The following RAD51B variants were observed in gnomAD, a reference collection of about 807,000 sequenced individuals.
RAD51B encodes RAD51 paralog B, also known as DNA repair protein RAD51 homolog 2.
Under a neutral mutation model 42.2 loss-of-function variants are expected in RAD51B, and 38 were observed. The ratio of observed to expected loss-of-function variants is 0.90; its 90% CI spans 0.70 to 1.18. RAD51B has a LOEUF of 1.18. RAD51B is among the 50% of genes most tolerant of loss of function. The pLI is 0.00. For missense variants in RAD51B, 373 were observed against 400.7 expected (o/e 0.93, Z 0.59); for synonymous variants, 154 against 145.2 (o/e 1.06, Z -0.43).
At chr14:68,628,640 T>C (rs1892152660) in intron 10 of RAD51B, among the ~76,000 whole-genome samples, 1 of 152,104 alleles carries the variant, frequency 6.6e-6, no homozygotes, top group African/African-American at 2.4e-5. Context: ...GACGCTCCGG[T>C]TGCGCCAAGT....
At chr14:67,830,183 A>C (rs7157699) in intron 3 of RAD51B, among the ~76,000 whole-genome samples, 5,628 of 152,274 alleles carry the variant, frequency 0.037, 309 homozygotes, top group African/African-American at 0.12. Context: ...TTTGGACTTT[A>C]TTCCAAGAGC....
At chr14:67,985,211 C>T (rs2075162856) in intron 7 of RAD51B, among the ~76,000 whole-genome samples, 1 of 152,186 alleles carries the variant, frequency 6.6e-6, no homozygotes, top group Admixed American at 6.5e-5. Flanking sequence ...ATATCTCCTC[C>T]TTGTCTTCTA....
intron 7 of RAD51B, among the ~76,000 whole-genome samples, chr14:67,895,137 T>C (rs1444444241): frequency 6.6e-6 from 1 of 152,204 alleles, no homozygotes; most frequent in Non-Finnish European, 1.5e-5. Flanking sequence ...GTGGTTAAAT[T>C]CATAAAGCAC....
chr14:68,405,627 A>G (rs2084249733), intron 8 of RAD51B, among the ~76,000 whole-genome samples: 1 of 152,140 alleles, frequency 6.6e-6, no homozygotes, highest in Admixed American at 6.5e-5. Flanking sequence ...TTCTGTGGTC[A>G]TCTGTACTCA....
chr14:68,401,210 T>A (rs750611168), intron 8 of RAD51B, among the ~76,000 whole-genome samples: 3 of 152,218 alleles, frequency 2.0e-5, no homozygotes, highest in African/African-American at 7.2e-5. Context: ...GGATAACATA[T>A]GTCTTGGTTT....
At position 68,653,751 on chromosome 14, in the gene RAD51B, G is replaced by A. The variant is rs143017965; in HGVS notation, c.*11+2895G>A. ...CAAAGAAGCCCTACCATGGAGACAC[G>A]AACACAGGCCCATGCACAGAGGGCA... On this transcript the variant is annotated intron_variant, in intron 11 of 11. Transcript: ENST00000488612. Among the ~76,000 whole-genome samples, 253 of 152,362 alleles carry A rather than the reference G, an allele frequency of 1.7e-3. 1 individual carries two copies. Among genetic ancestry groups the A allele is most frequent in the African/African-American group, 5.6e-3 (234 of 41,586 alleles).
chr14:68,368,387 T>C (rs1485759207), intron 8 of RAD51B, among the ~76,000 whole-genome samples: 1 of 152,230 alleles, frequency 6.6e-6, no homozygotes, highest in Non-Finnish European at 1.5e-5. Flanking sequence ...AATGTTCACC[T>C]GCCAGAGTAA....
chr14:68,189,000 C>G (rs968246830), intron 7 of RAD51B, among the ~76,000 whole-genome samples: 3 of 152,088 alleles, frequency 2.0e-5, no homozygotes, highest in African/African-American at 7.2e-5. Context: ...AACTCCTCCT[C>G]CTTGTTCTCT....
intron 7 of RAD51B, among the ~76,000 whole-genome samples, chr14:68,153,486 C>T (rs896103079): frequency 7.9e-5 from 12 of 152,090 alleles, no homozygotes; most frequent in African/African-American, 2.9e-4. Context: ...TTCTCCTCAA[C>T]CTCTCTAGCA....
At chr14:68,338,917 A>C (rs759122816) in intron 8 of RAD51B, 25 of 656,018 alleles carry the variant, frequency 3.8e-5, no homozygotes, top group Non-Finnish European at 6.3e-5. Context: ...ACCTTTGTGA[A>C]GACAACAGTG....
At chr14:68,677,178 T>C (rs1336751589) in intron 11 of RAD51B, among the ~76,000 whole-genome samples, 3 of 152,110 alleles carry the variant, frequency 2.0e-5, no homozygotes, top group African/African-American at 7.2e-5. Flanking sequence ...TGGGTACCTA[T>C]GCCATTTAAA....
intron 7 of RAD51B, among the ~76,000 whole-genome samples, chr14:67,911,280 C>T (rs756890667): frequency 6.6e-6 from 1 of 152,170 alleles, no homozygotes; most frequent in Non-Finnish European, 1.5e-5. Context: ...GCAGCATTAG[C>T]ATTACCTATG....
At chr14:68,599,875 C>T (rs1009866652), downstream of RAD51B, among the ~76,000 whole-genome samples, 1 of 152,214 alleles carries the variant, frequency 6.6e-6, no homozygotes, top group Non-Finnish European at 1.5e-5. Context: ...CCCAGGGGCT[C>T]CCGAAAGATT....
chr14:68,537,370 G>A (rs919560670), intron 10 of RAD51B, among the ~76,000 whole-genome samples: 4 of 151,862 alleles, frequency 2.6e-5, no homozygotes, highest in Non-Finnish European at 4.4e-5. Flanking sequence ...GTGGTGGCGG[G>A]CGCCTGTAGT....
intron 11 of RAD51B, chr14:68,682,918 T>TC (rs1893465444): frequency 1.2e-6 from 1 of 825,348 alleles, no homozygotes; most frequent in Non-Finnish European, 1.4e-6. Context: ...GGCTTTTTTT[T>TC]TTTTTTTTTT....
chr14:68,318,581 AAG>A (rs1383562901), intron 8 of RAD51B, among the ~76,000 whole-genome samples: 2 of 152,186 alleles, frequency 1.3e-5, no homozygotes, highest in Non-Finnish European at 2.9e-5. Flanking sequence ...ATTACTAAGA[AAG>A]AGAGAGTTTT....
At chr14:68,050,100 C>T (rs532575677) in intron 7 of RAD51B, among the ~76,000 whole-genome samples, 1 of 152,142 alleles carries the variant, frequency 6.6e-6, no homozygotes, top group Non-Finnish European at 1.5e-5. Flanking sequence ...CTACCTAGGT[C>T]TTTTCTTTCT....
At chr14:68,234,173 G>C (rs984108996) in intron 7 of RAD51B, among the ~76,000 whole-genome samples, 3 of 152,208 alleles carry the variant, frequency 2.0e-5, no homozygotes, top group Admixed American at 2.0e-4. Flanking sequence ...GTGGGTGTTT[G>C]AGTGGGACCT....
intron 4 of RAD51B, among the ~76,000 whole-genome samples, chr14:67,859,098 A>G (rs2042084541): frequency 6.6e-6 from 1 of 152,252 alleles, no homozygotes; most frequent in Non-Finnish European, 1.5e-5. Context: ...ATCAACACTG[A>G]CATCCTCACT....
Sources: gnomAD v4.1 joint callset for allele counts (sites outside exome capture counted in the v4.1 genomes callset) on GRCh38, gnomAD v4.1.1 for gene constraint, MANE v1.5 for transcripts, NCBI Gene and HGNC (gene_info 2026-07-23, HGNC 2026-07-21) for gene names.